Variants in FREM3 observed in about 807,000 individuals in gnomAD.
FREM3 encodes FRAS1 related extracellular matrix 3, also known as FRAS1-related extracellular matrix protein 3.
In FREM3, 105 loss-of-function variants were observed where a neutral mutation model predicts 129.1. The observed-to-expected ratio is 0.81, with a 90% CI of 0.69 to 0.96. The LOEUF is 0.96. FREM3 is among the 40% of genes least tolerant of loss of function. The probability of loss-of-function intolerance (pLI) is 0.00; values close to 1 mark genes in which losing one functional copy is unlikely to be tolerated. For synonymous variants in FREM3, 1,014 were observed against 1,044.9 expected (o/e 0.97, Z 0.57); for missense variants, 2,593 against 2,666.3 (o/e 0.97, Z 0.61).
At chr4:143,683,178 C>T (rs1241462986) in intron 2 of FREM3, among the ~76,000 whole-genome samples, 2 of 152,154 alleles carry the variant, frequency 1.3e-5, no homozygotes, top group Admixed American at 6.5e-5. Context: ...TCATGGCAGA[C>T]GGGATGCAGG....
intron 5 of FREM3, among the ~76,000 whole-genome samples, chr4:143,612,236 T>C (rs1738770906): frequency 6.6e-6 from 1 of 152,246 alleles, no homozygotes; most frequent in African/African-American, 2.4e-5. Flanking sequence ...TTTCTTGCAA[T>C]CCATCTCCTT....
chr4:143,605,010 T>C (rs1408177429), intron 6 of FREM3, among the ~76,000 whole-genome samples: 4 of 152,162 alleles, frequency 2.6e-5, no homozygotes, highest in East Asian at 1.9e-4. Context: ...TTGGGTAGGA[T>C]AGAAGGCAAG....
intron 4 of FREM3, among the ~76,000 whole-genome samples, chr4:143,623,572 G>T (rs888047568): frequency 7.8e-6 from 1 of 128,802 alleles, no homozygotes; most frequent in South Asian, 2.4e-4. Context: ...TTACTGCTTA[G>T]ATTTTTTTTC....
At chr4:143,669,507 C>T (rs1467899840) in intron 2 of FREM3, among the ~76,000 whole-genome samples, 1 of 151,646 alleles carries the variant, frequency 6.6e-6, no homozygotes, top group Non-Finnish European at 1.5e-5. Flanking sequence ...AGGCTGGTCT[C>T]GAACTCTTGG....
chr4:143,689,324 A>G (rs1400376863), intron 2 of FREM3, among the ~76,000 whole-genome samples: 1 of 152,196 alleles, frequency 6.6e-6, no homozygotes, highest in East Asian at 1.9e-4. Context: ...GACCGCAATG[A>G]GATACCACCT....
Position 143,627,654 on chromosome 4 carries a change from G to T in FREM3, c.5382C>A (p.Thr1794=). The part of the protein sequence containing the change: ...VDEDSTFLEV[T]LTRRGYLGET... ...CTCCAAGGTATCCTCTGCGTGTAAG[G>T]GTCACTTCTAAGAATGTGGAATCTT... The change falls in exon 3 of 8, where the codon ACC becomes ACA. Residue 1794 remains threonine (T), a synonymous_variant. Coordinates refer to ENST00000329798, the MANE Select transcript of FREM3 (RefSeq NM_001168235.2). 6.5e-7 allele frequency: 1 copy of T among 1,535,734 alleles called. No individual in the cohort carries two copies. Among genetic ancestry groups the T allele is most frequent in the Non-Finnish European group, 8.7e-7 (1 of 1,145,722 alleles).
chr4:143,695,421 T>C, intron 1 of FREM3, 70 bp downstream of exon 1: 1 of 1,319,848 alleles, frequency 7.6e-7, no homozygotes, highest in South Asian at 1.5e-5. Context: ...AGGACAATTT[T>C]ACACAAAGCT....
At chr4:143,606,447 G>A (rs1207081668) in intron 6 of FREM3, among the ~76,000 whole-genome samples, 1 of 151,476 alleles carries the variant, frequency 6.6e-6, no homozygotes, top group Non-Finnish European at 1.5e-5. Flanking sequence ...TTTGGTGACT[G>A]GTGATTTCCT....
chr4:143,669,221 A>G (rs977765172), intron 2 of FREM3, among the ~76,000 whole-genome samples: 1 of 152,212 alleles, frequency 6.6e-6, no homozygotes, highest in Non-Finnish European at 1.5e-5. Context: ...AAATAACCAC[A>G]TTAGGAACTA....
Position 143,699,883 on chromosome 4 carries a change from C to G in FREM3, c.793G>C (p.Val265Leu). Reference protein sequence around the residue: ...TATSSPNRDYVPMMVELLGPE... With the variant: ...TATSSPNRDYLPMMVELLGPE... The stretch of plus-strand genomic sequence containing the variant: ...CCCAGCAGCTCCACCATCATGGGCA[C>G]GTAGTCACGGTTGGGCGAGGAGGTG... The change falls in exon 1 of 8, where the codon GTG (valine) becomes CTG (leucine). Residue 265 changes from valine to leucine, a missense_variant. Physicochemically the swap from Val to Leu is conservative, Grantham distance 32. Coordinates refer to ENST00000329798, the MANE Select transcript of FREM3 (RefSeq NM_001168235.2). This position sits in a 1 kb window ranked among gnomAD's most constrained non-coding sequence, Gnocchi z 4.2. The G allele has an allele frequency of 1.3e-6, 2 of 1,536,730 alleles. No homozygotes were observed. Among genetic ancestry groups the G allele is most frequent in the Non-Finnish European group, 1.7e-6 (2 of 1,146,860 alleles).
chr4:143,684,838 A>G (rs1740328638), intron 2 of FREM3, among the ~76,000 whole-genome samples: 1 of 152,232 alleles, frequency 6.6e-6, no homozygotes. Flanking sequence ...GAAACTTTGT[A>G]TACACTTTTA....
chr4:143,664,777 C>G (rs1739820680), intron 2 of FREM3, among the ~76,000 whole-genome samples: 2 of 152,190 alleles, frequency 1.3e-5, no homozygotes, highest in Non-Finnish European at 2.9e-5. Context: ...TTTACCTAAG[C>G]AAGCCTTGGC....
At chr4:143,621,612 A>G (rs189858942) in intron 4 of FREM3, among the ~76,000 whole-genome samples, 186 of 152,372 alleles carry the variant, frequency 1.2e-3, no homozygotes, top group African/African-American at 4.2e-3. Flanking sequence ...TTTATTGAGC[A>G]GACACTGTGC....
Position 143,577,778 on chromosome 4 carries a change from T to C in FREM3, c.6253A>G (p.Thr2085Ala). The C allele has an allele frequency of 6.5e-7, 1 of 1,537,304 alleles. No individual in the cohort carries two copies. Among genetic ancestry groups the C allele is most frequent in the South Asian group, 1.2e-5 (1 of 84,060 alleles). The change falls in exon 8 of 8, where the codon ACC becomes GCC. Residue 2085 changes from threonine (T) to alanine (A), a missense_variant. Physicochemically the swap from Thr to Ala is moderately conservative, Grantham distance 58. Coordinates refer to ENST00000329798, the MANE Select transcript of FREM3 (RefSeq NM_001168235.2). ...PGVRMQTFQV[T>A]ILDDLGQPTL... ...GGCTGTCCCAGGTCATCAAGGATGG[T>C]CACTTGGAATGTCTGCATGCGCACG...
chr4:143,604,275 A>G (rs1389001603), intron 6 of FREM3, among the ~76,000 whole-genome samples: 1 of 152,076 alleles, frequency 6.6e-6, no homozygotes, highest in Non-Finnish European at 1.5e-5. Context: ...GCCCAAATAA[A>G]TCTTTTTTCT....
At chr4:143,614,224 G>T (rs943091302) in intron 5 of FREM3, among the ~76,000 whole-genome samples, 2 of 152,144 alleles carry the variant, frequency 1.3e-5, no homozygotes, top group Non-Finnish European at 2.9e-5. Context: ...TGATCTAAAT[G>T]GAACATTCCT....
intron 5 of FREM3, among the ~76,000 whole-genome samples, chr4:143,613,173 TA>T (rs1266467219): frequency 6.6e-6 from 1 of 152,212 alleles, no homozygotes. Flanking sequence ...TATTCGGAAG[TA>T]ACAAATTGAC....
intron 2 of FREM3, among the ~76,000 whole-genome samples, chr4:143,690,574 A>G (rs1740447420): frequency 6.6e-6 from 1 of 152,190 alleles, no homozygotes; most frequent in South Asian, 2.1e-4. Flanking sequence ...TATTTCTAGA[A>G]GGGTATAATA....
chr4:143,693,139 A>G lies in FREM3; in HGVS notation c.5249T>C (p.Ile1750Thr). The change falls in exon 2 of 8, where the codon ATC becomes ACC. Residue 1750 changes from isoleucine (I) to threonine (T), a missense_variant. Around this residue, in one of 2 missense-constraint regions of FREM3, gnomAD observed 2,276 missense variants for 2,267.2 expected, o/e 1.00. Coordinates refer to ENST00000329798, the MANE Select transcript of FREM3 (RefSeq NM_001168235.2). ...ATTGTCTTCAACAGAGAAATAGAAGATGTCCTTTGATGCGTTGCTGCCCTC... is the reference window on the plus strand; with the variant it reads ...ATTGTCTTCAACAGAGAAATAGAAGGTGTCCTTTGATGCGTTGCTGCCCTC... ...LNEGSNASKD[I>T]FYFSVEDNGG... 1 of 1,513,550 alleles carries G rather than the reference A, an allele frequency of 6.6e-7. No individual in the cohort carries two copies. The highest frequency in any genetic ancestry group is 8.8e-7 in the Non-Finnish European group (1 of 1,131,356). 93.8% of individuals were successfully genotyped at this position (1,513,550 alleles called of 1,614,324 possible). A position where few individuals can be genotyped will look rare whatever the true frequency, so the allele number is the denominator to read the frequency against.
Sources: allele counts gnomAD v4.1 joint callset (sites outside exome capture counted in the v4.1 genomes callset), GRCh38; gene constraint gnomAD v4.1.1; regional missense constraint gnomAD v4.1.1; non-coding constraint Gnocchi (gnomAD v3.1); transcripts MANE v1.5; gene names NCBI Gene and HGNC (gene_info 2026-07-23, HGNC 2026-07-21).